The following DCT variants were observed in gnomAD, a reference collection of about 807,000 sequenced individuals.
The protein encoded by DCT is dopachrome tautomerase, also known as L-dopachrome tautomerase.
A neutral mutation model predicts 53.0 loss-of-function variants in DCT; 47 were observed. The ratio of observed to expected loss-of-function variants is 0.89; its 90% CI spans 0.70 to 1.13. DCT has a LOEUF of 1.13. DCT is among the 50% of genes most tolerant of loss of function. DCT has a pLI of 0.00. For missense variants in DCT, 669 were observed against 637.4 expected, an observed-to-expected ratio of 1.05 and a Z score of -0.53; for synonymous variants, 244 against 237.0, an observed-to-expected ratio of 1.03 and a Z score of -0.27.
chr13:94,453,261 G>A (rs2139304039), intron 6 of DCT, among the ~76,000 whole-genome samples: 1 of 151,994 alleles, frequency 6.6e-6, no homozygotes, highest in African/African-American at 2.4e-5. Flanking sequence ...GGGGGTCCTG[G>A]AACTAATTCC....
the DCT span, among the ~76,000 whole-genome samples, chr13:94,506,336 A>G: frequency 1.3e-5 from 2 of 152,248 alleles, no homozygotes; most frequent in African/African-American, 4.8e-5. Flanking sequence ...AGGCAAAAGC[A>G]GAGCCTGAAA....
At chr13:94,532,595 A>G in the DCT span, among the ~76,000 whole-genome samples, 7 of 152,150 alleles carry the variant, frequency 4.6e-5, no homozygotes, top group Admixed American at 1.3e-4. Flanking sequence ...ACGAGAATAC[A>G]TGGACACAGG....
At chr13:94,462,464 C>T (rs1883877908) in intron 4 of DCT, among the ~76,000 whole-genome samples, 1 of 151,584 alleles carries the variant, frequency 6.6e-6, no homozygotes, top group South Asian at 2.1e-4. Flanking sequence ...CATGCCACTG[C>T]CCTCCAGCCT....
At chr13:94,444,369 T>C (rs1451642456) in intron 6 of DCT, 1 of 516,074 alleles carries the variant, frequency 1.9e-6, no homozygotes, top group Admixed American at 2.0e-5. Flanking sequence ...TCACCAGGAA[T>C]ACTCTTCTGT....
At chr13:94,535,260 C>T in the DCT span, among the ~76,000 whole-genome samples, 17 of 152,258 alleles carry the variant, frequency 1.1e-4, no homozygotes, top group East Asian at 1.7e-3. Flanking sequence ...CAGAGTTTCA[C>T]GGTATATGGC....
intron 6 of DCT, among the ~76,000 whole-genome samples, chr13:94,457,896 C>G (rs1245274888): frequency 1.3e-5 from 2 of 152,148 alleles, no homozygotes; most frequent in Non-Finnish European, 2.9e-5. Context: ...CCCTGACATT[C>G]AAGAGCTGGC....
At chr13:94,447,512 T>C (rs1269285450) in intron 6 of DCT, among the ~76,000 whole-genome samples, 1 of 152,252 alleles carries the variant, frequency 6.6e-6, no homozygotes, top group African/African-American at 2.4e-5. Flanking sequence ...CAGACCAGCA[T>C]GGGCCCATGG....
At chr13:94,493,376 G>A in the DCT span, among the ~76,000 whole-genome samples, 1 of 152,168 alleles carries the variant, frequency 6.6e-6, no homozygotes, top group Admixed American at 6.5e-5. Context: ...TTAAGTGACA[G>A]AAAGCAGATG....
rs1457967497 is a variant in DCT, at chr13:94,465,786, T to C, written c.710A>G (p.Asn237Ser). Residue 237 changes from asparagine to serine, a missense_variant, in exon 4 of 8, where the codon AAT (asparagine) becomes AGT (serine). Transcript: ENST00000377028. Reference protein sequence around the residue: ...LERDLQRLIGNESFALPYWNF... With the variant: ...LERDLQRLIGSESFALPYWNF... ...CCAGTAGGGCAAAGCAAAAGACTCA[T>C]TGCCAATGAGTCGCTAAAAGCAAAG... 3 of 1,610,970 alleles carry C rather than the reference T, an allele frequency of 1.9e-6. No homozygotes were observed. Among genetic ancestry groups the C allele is most frequent in the Admixed American group, 1.7e-5 (1 of 59,714 alleles).
the DCT span, among the ~76,000 whole-genome samples, chr13:94,492,238 C>T: frequency 1.2e-4 from 19 of 152,310 alleles, no homozygotes; most frequent in African/African-American, 3.4e-4. Context: ...AGAGAAGCAG[C>T]GAGCCTTAAA....
chr13:94,438,441 G>T lies in DCT; in HGVS notation c.*1457C>A, dbSNP rs560906793. 1.2e-4 allele frequency: 37 copies of T among 297,206 alleles called. No individual in the cohort carries two copies. Among genetic ancestry groups the T allele is most frequent in the African/African-American group, 7.7e-4 (35 of 45,188 alleles). 18.4% of individuals were successfully genotyped at this position (297,206 alleles called of 1,614,324 possible). A position where few individuals can be genotyped will look rare whatever the true frequency, so the allele number is the denominator to read the frequency against. The stretch of plus-strand genomic sequence containing the variant: ...TTTCTCTGGCTTTAGCAGTCCTTTT[G>T]CATGGGGTAAACTGGTTCTTGATGA... On this transcript the variant is annotated 3_prime_UTR_variant, in exon 8 of 8. Transcript: ENST00000377028.
At chr13:94,489,824 T>A in the DCT span, among the ~76,000 whole-genome samples, 1 of 152,126 alleles carries the variant, frequency 6.6e-6, no homozygotes, top group Non-Finnish European at 1.5e-5. Context: ...GTACTTCTAA[T>A]AATTTTTTTC....
the DCT span, among the ~76,000 whole-genome samples, chr13:94,515,373 A>G: frequency 1.3e-5 from 2 of 152,226 alleles, no homozygotes; most frequent in Admixed American, 1.3e-4. Flanking sequence ...AATGAAGAGG[A>G]TGGGATAGAT....
the DCT span, among the ~76,000 whole-genome samples, chr13:94,488,448 C>T: frequency 6.6e-6 from 1 of 152,078 alleles, no homozygotes; most frequent in Non-Finnish European, 1.5e-5. Flanking sequence ...GGCACGGTGG[C>T]TCACACCTGT....
chr13:94,479,398 A>T lies in DCT; in HGVS notation c.-143T>A. The stretch of plus-strand genomic sequence containing the variant: ...TTTCTATTCCTTTCTTCTTAAAAAA[A>T]TACCCACAAGAATCACAGAGGTTAC... On this transcript the variant is annotated 5_prime_UTR_variant, in exon 1 of 8. Transcript: ENST00000377028. 2.5e-6 allele frequency: 2 copies of T among 800,836 alleles called. No homozygotes were observed. Among genetic ancestry groups the T allele is most frequent in the Non-Finnish European group, 3.8e-6 (2 of 521,296 alleles). The allele number at this position is 800,836 out of a possible 1,614,324, so 49.6% of individuals were successfully genotyped here.
At chr13:94,480,390 C>T (rs1885389570), upstream of DCT, among the ~76,000 whole-genome samples, 1 of 152,142 alleles carries the variant, frequency 6.6e-6, no homozygotes, top group African/African-American at 2.4e-5. Context: ...GCAATGGTGG[C>T]CACCTGTCAG....
rs1380966192 is a variant in DCT, at chr13:94,472,564, A to T, written c.296-3519T>A. On this transcript the variant is annotated intron_variant, in intron 1 of 7. Coordinates refer to ENST00000377028, the MANE Select transcript of DCT (RefSeq NM_001922.5). The stretch of plus-strand genomic sequence containing the variant: ...TATATATATATATATATATATATAT[A>T]TATATTTTTTTTTTTTTTTTTTTTT... Among the ~76,000 whole-genome samples, 146 of 18,054 alleles carry T rather than the reference A, an allele frequency of 8.1e-3. 10 individuals are homozygous for T. Among genetic ancestry groups the T allele is most frequent in the Middle Eastern group, 0.036 (1 of 28 alleles). The allele number at this position is 18,054 out of a possible 152,430, so 11.8% of individuals were successfully genotyped here. A position where few individuals can be genotyped will look rare whatever the true frequency, so the allele number is the denominator to read the frequency against.
the DCT span, among the ~76,000 whole-genome samples, chr13:94,496,680 G>A: frequency 6.6e-6 from 1 of 152,180 alleles, no homozygotes; most frequent in African/African-American, 2.4e-5. Context: ...CATTTAATAG[G>A]TTGAGCATCC....
At chr13:94,493,995 G>T in the DCT span, among the ~76,000 whole-genome samples, 4 of 152,170 alleles carry the variant, frequency 2.6e-5, no homozygotes, top group Admixed American at 2.6e-4. Context: ...AGCTAAAACT[G>T]CTCTAAAGAA....
Sources: allele counts gnomAD v4.1 joint callset (sites outside exome capture counted in the v4.1 genomes callset), GRCh38; gene constraint gnomAD v4.1.1; transcripts MANE v1.5; gene names NCBI Gene and HGNC (gene_info 2026-07-23, HGNC 2026-07-21).